Variants in SHANK2 observed in about 807,000 individuals in gnomAD.
The protein encoded by SHANK2 is SH3 and multiple ankyrin repeat domains protein 2.
Under a neutral mutation model 133.7 loss-of-function variants are expected in SHANK2, and 43 were observed. That is an observed-to-expected ratio of 0.32 (90% CI 0.25 to 0.41). The LOEUF (loss-of-function observed/expected upper bound fraction) is 0.41, where lower values mean the gene tolerates loss of function less well. SHANK2 is among the 10% of genes least tolerant of loss of function. The probability of loss-of-function intolerance (pLI) is 1.00; values close to 1 mark genes in which losing one functional copy is unlikely to be tolerated. For synonymous variants in SHANK2, 1,017 were observed against 952.8 expected (o/e 1.07, Z -1.24); for missense variants, 1,994 against 2,235.8 (o/e 0.89, Z 2.18).
At position 70,485,944 on chromosome 11, in the gene SHANK2, G is replaced by C. The variant is rs2058796826; in HGVS notation, c.4349C>G (p.Ser1450Trp). Reference protein sequence around the residue: ...QKKSDTPQSPSLNSSQPTNSA... With the variant: ...QKKSDTPQSPWLNSSQPTNSA... ...GTTGGTTGGTTGGCTGGAGTTCAAC[G>C]AAGGGGACTGAGGGGTGTCGCTTTT... Residue 1450 changes from serine to tryptophan, a missense_variant, in exon 25 of 26, where the codon TCG becomes TGG. Around this residue, in one of 5 missense-constraint regions of SHANK2, gnomAD observed 797 missense variants for 907.4 expected, o/e 0.88. Coordinates refer to ENST00000601538, the MANE Select transcript of SHANK2 (RefSeq NM_012309.5). The surrounding 1 kb of genome is among the most constrained non-coding windows in gnomAD (Gnocchi z 5.8). The C allele has an allele frequency of 6.2e-7, 1 of 1,614,156 alleles. No homozygotes were observed.
At chr11:70,953,553 A>G (rs976204891) in intron 10 of SHANK2, among the ~76,000 whole-genome samples, 3 of 152,120 alleles carry the variant, frequency 2.0e-5, no homozygotes, top group African/African-American at 7.2e-5. Flanking sequence ...CTGCTGTTCC[A>G]GGTCAGCAGT....
At chr11:70,831,464 G>A (rs1195934240) in intron 11 of SHANK2, among the ~76,000 whole-genome samples, 1 of 152,054 alleles carries the variant, frequency 6.6e-6, no homozygotes, top group Non-Finnish European at 1.5e-5. Context: ...GGCCCTTGGT[G>A]CTTCGTGAGC....
rs116992473 is a variant in SHANK2, at chr11:70,484,209, C to T, written c.4979+1105G>A. On this transcript the variant is annotated intron_variant, in intron 25 of 25. Coordinates refer to ENST00000601538, the MANE Select transcript of SHANK2 (RefSeq NM_012309.5). ...AGCCACAGACTGCTGAGCCCTGATACGGTTTGGATCTGTGTTCCCACCCAA... is the reference window on the plus strand; with the variant it reads ...AGCCACAGACTGCTGAGCCCTGATATGGTTTGGATCTGTGTTCCCACCCAA... Among the ~76,000 whole-genome samples, 20 of 152,296 alleles carry T rather than the reference C, an allele frequency of 1.3e-4. No homozygotes were observed. In the East Asian group the frequency reaches 3.7e-3, roughly 28 times the overall value.
chr11:70,888,085 T>A (rs1476543345), intron 11 of SHANK2, among the ~76,000 whole-genome samples: 1 of 152,054 alleles, frequency 6.6e-6, no homozygotes, highest in African/African-American at 2.4e-5. Context: ...AAATGGCAGG[T>A]GAAGAATCTA....
chr11:70,812,408 C>A (rs1206478087), intron 12 of SHANK2, among the ~76,000 whole-genome samples: 1 of 152,208 alleles, frequency 6.6e-6, no homozygotes, highest in African/African-American at 2.4e-5. Context: ...AAAAGTCCCA[C>A]AAAGGCAGAA....
At chr11:70,688,015 G>A (rs1945193811) in intron 15 of SHANK2, among the ~76,000 whole-genome samples, 1 of 152,200 alleles carries the variant, frequency 6.6e-6, no homozygotes, top group Non-Finnish European at 1.5e-5. Context: ...CAAAGCAGGG[G>A]ACTTGGGTCC....
rs1951056499 is a variant in SHANK2 at position 71,066,136 on chromosome 11, G to A, written c.1029+9023C>T. On this transcript the variant is annotated intron_variant, in intron 9 of 25. Coordinates refer to ENST00000601538, the MANE Select transcript of SHANK2 (RefSeq NM_012309.5). ...TCTCCCAGGGAGATGAGCAGTGAGT[G>A]GGGAAGTTGGGTGGGGGGGGTGCAG... is the stretch of plus-strand genomic sequence containing the variant. Among the ~76,000 whole-genome samples the A allele has an allele frequency of 3.8e-5, 5 of 130,662 alleles. No homozygotes were observed. The South Asian group carries it at 1.1e-3, about 30-fold the overall frequency. 85.7% of individuals were successfully genotyped at this position (130,662 alleles called of 152,430 possible).
At chr11:70,494,715 C>T (rs2058944563) in intron 21 of SHANK2, among the ~76,000 whole-genome samples, 1 of 152,224 alleles carries the variant, frequency 6.6e-6, no homozygotes, top group South Asian at 2.1e-4. Context: ...TGTTTGCCGA[C>T]CCCTGGCCTG....
rs370323141 is a variant in SHANK2, at chr11:70,501,814, G to A, written c.2287+109C>T. ...GATGGAGCCTTCTGGTCTGAGCCAC[G>A]TGGGGAGCAGCTCACACAGGCCTCC... On this transcript the variant is annotated intron_variant, in intron 20 of 25. Transcript: ENST00000601538. 817 of 1,148,930 alleles carry A rather than the reference G, an allele frequency of 7.1e-4. 7 individuals carry two copies. Among genetic ancestry groups the A allele is most frequent in the South Asian group, 3.4e-3 (252 of 74,282 alleles). 71.2% of individuals were successfully genotyped at this position (1,148,930 alleles called of 1,614,324 possible).
At chr11:71,130,043 C>A (rs1427943753) in intron 3 of SHANK2, among the ~76,000 whole-genome samples, 1 of 152,216 alleles carries the variant, frequency 6.6e-6, no homozygotes, top group Non-Finnish European at 1.5e-5. Flanking sequence ...TCCTCACCTC[C>A]TCTTCTCATA....
chr11:70,600,814 C>T lies in SHANK2; in HGVS notation c.2061+59014G>A, dbSNP rs111315569. On this transcript the variant is annotated intron_variant, in intron 17 of 25. Transcript: ENST00000601538. ...ACAATCTGAATTCTTGGATTAAGGA[C>T]TTACATATGAAAGACAAACTTTAAA... 2.2e-4 allele frequency among the ~76,000 whole-genome samples: 33 copies of T among 152,200 alleles called. 1 individual carries two copies. The highest frequency in any genetic ancestry group is 7.2e-4 in the African/African-American group (30 of 41,542).
intron 15 of SHANK2, among the ~76,000 whole-genome samples, chr11:70,681,942 T>C (rs1363017501): frequency 6.6e-6 from 1 of 152,142 alleles, no homozygotes; most frequent in Admixed American, 6.6e-5. Flanking sequence ...GGTCTGGGCA[T>C]GCTCGGGGTG....
chr11:70,756,774 C>T (rs547638141), intron 14 of SHANK2, among the ~76,000 whole-genome samples: 9 of 152,200 alleles, frequency 5.9e-5, no homozygotes, highest in South Asian at 2.1e-4. Flanking sequence ...TTCTGACATA[C>T]GGAATTTTGC....
intron 1 of SHANK2, among the ~76,000 whole-genome samples, chr11:71,245,330 ATTAT>A (rs1555124828): frequency 6.6e-6 from 1 of 152,226 alleles, no homozygotes; most frequent in Non-Finnish European, 1.5e-5. Context: ...ATAAAAACAC[ATTAT>A]TTATACCAAC....
chr11:70,517,944 A>G (rs2135913303), intron 17 of SHANK2, among the ~76,000 whole-genome samples: 1 of 152,306 alleles, frequency 6.6e-6, no homozygotes, highest in Middle Eastern at 3.4e-3. Context: ...AAATAGGGAA[A>G]ACAGGGAGAG....
At chr11:70,529,439 A>C (rs1173098997) in intron 17 of SHANK2, among the ~76,000 whole-genome samples, 1 of 152,204 alleles carries the variant, frequency 6.6e-6, no homozygotes, top group Non-Finnish European at 1.5e-5. Context: ...AAAACCCCCC[A>C]CAAGGTGCCG....
intron 17 of SHANK2, among the ~76,000 whole-genome samples, chr11:70,587,492 G>A (rs970691150): frequency 2.6e-5 from 4 of 152,070 alleles, no homozygotes; most frequent in African/African-American, 2.4e-5. Context: ...AGTGCTTACC[G>A]ACAGGAAAAA....
intron 14 of SHANK2, among the ~76,000 whole-genome samples, chr11:70,789,171 C>G (rs1947732067): frequency 6.6e-6 from 1 of 152,122 alleles, no homozygotes; most frequent in Admixed American, 6.5e-5. Flanking sequence ...CACATGCTTC[C>G]CAGACATACA....
At chr11:71,116,860 C>A (rs937871458) in intron 4 of SHANK2, among the ~76,000 whole-genome samples, 2 of 152,134 alleles carry the variant, frequency 1.3e-5, no homozygotes, top group Non-Finnish European at 2.9e-5. Context: ...GCTCTCACAC[C>A]CCCTCTTGCC....
Sources: gnomAD v4.1 joint callset for allele counts (sites outside exome capture counted in the v4.1 genomes callset) on GRCh38, gnomAD v4.1.1 for gene constraint, gnomAD v4.1.1 regional missense constraint, Gnocchi (gnomAD v3.1) non-coding constraint, MANE v1.5 for transcripts, NCBI Gene and HGNC (gene_info 2026-07-23, HGNC 2026-07-21) for gene names.